The following SHOC2 variants were observed in gnomAD, a reference collection of about 807,000 sequenced individuals.
SHOC2 encodes SHOC2 leucine rich repeat scaffold protein.
A neutral mutation model predicts 50.2 loss-of-function variants in SHOC2; 4 were observed. The ratio of observed to expected loss-of-function variants is 0.08; its 90% CI spans 0.04 to 0.18. SHOC2 has a LOEUF of 0.18. Among genes scored for constraint, SHOC2 ranks in the 10% least tolerant of loss-of-function variants. The pLI is 1.00. For synonymous variants in SHOC2, 218 were observed against 244.5 expected (o/e 0.89, Z 1.01); for missense variants, 388 against 669.6 (o/e 0.58, Z 4.64).
intron 4 of SHOC2, among the ~76,000 whole-genome samples, chr10:111,001,566 T>G (rs889736727): frequency 1.3e-5 from 2 of 152,256 alleles, no homozygotes; most frequent in Admixed American, 1.3e-4. Flanking sequence ...TGCTTATAGT[T>G]GTTCAAGCAT....
chr10:110,992,606 A>G (rs1286080931), intron 3 of SHOC2, among the ~76,000 whole-genome samples: 5 of 152,200 alleles, frequency 3.3e-5, no homozygotes, highest in Non-Finnish European at 5.9e-5. Context: ...TGGAGTGCAG[A>G]ACAATTCACA....
At chr10:110,919,583 G>T (rs1410319561), upstream of SHOC2, 4 of 394,572 alleles carry the variant, frequency 1.0e-5, no homozygotes, top group East Asian at 7.2e-5. Context: ...GTTGGGCAGC[G>T]TCGCTTCTTA....
At chr10:110,941,131 C>G (rs967697246) in intron 1 of SHOC2, among the ~76,000 whole-genome samples, 7 of 151,690 alleles carry the variant, frequency 4.6e-5, no homozygotes, top group African/African-American at 1.5e-4. Flanking sequence ...CATTATTTCT[C>G]TCTCCCCATC....
intron 1 of SHOC2, among the ~76,000 whole-genome samples, chr10:110,947,505 G>C (rs1236402577): frequency 2.0e-5 from 3 of 152,284 alleles, no homozygotes; most frequent in Admixed American, 6.5e-5. Flanking sequence ...TCAGGGAAAC[G>C]TGACACCATC....
At chr10:111,011,077 A>G (rs76604170) in intron 8 of SHOC2, among the ~76,000 whole-genome samples, 4,578 of 152,318 alleles carry the variant, frequency 0.03, 110 homozygotes, top group Middle Eastern at 0.044. Flanking sequence ...AAAGGTCTAC[A>G]TAAGTCAGTT....
intron 2 of SHOC2, among the ~76,000 whole-genome samples, chr10:110,965,438 C>G (rs1847654219): frequency 6.6e-6 from 1 of 152,142 alleles, no homozygotes; most frequent in African/African-American, 2.4e-5. Flanking sequence ...TTTTCTCATT[C>G]TCTGACTTTT....
At chr10:110,938,823 C>T (rs1164808101) in intron 1 of SHOC2, among the ~76,000 whole-genome samples, 2 of 152,114 alleles carry the variant, frequency 1.3e-5, no homozygotes, top group African/African-American at 2.4e-5. Flanking sequence ...AACGGTATTC[C>T]AGTACATGTA....
In SHOC2 at chr10:111,000,403, G is replaced by T. The variant is rs1212822989; in HGVS notation, c.842-12G>T. 1 of 1,613,342 alleles carries T rather than the reference G, an allele frequency of 6.2e-7. No homozygotes were observed. On this transcript the variant is annotated splice_polypyrimidine_tract_variant and intron_variant, in intron 3 of 8. Coordinates refer to ENST00000369452, the MANE Select transcript of SHOC2 (RefSeq NM_007373.4). The stretch of plus-strand genomic sequence containing the variant: ...GTAAAAAATAAATTTCTTTTTTTGT[G>T]TGTGTTTACAGGAAACCTGTCCAGT...
At chr10:110,976,617 C>T (rs979840881) in intron 2 of SHOC2, among the ~76,000 whole-genome samples, 4 of 152,084 alleles carry the variant, frequency 2.6e-5, no homozygotes, top group African/African-American at 4.8e-5. Context: ...TTGCTGCCTT[C>T]GTTTTTGAAA....
At chr10:111,001,863 C>T (rs1292874862) in intron 4 of SHOC2, among the ~76,000 whole-genome samples, 1 of 152,074 alleles carries the variant, frequency 6.6e-6, no homozygotes, top group Non-Finnish European at 1.5e-5. Context: ...CATGGCAAAA[C>T]CCTGTCTCCA....
chr10:110,989,004 C>G (rs1394001944), intron 3 of SHOC2: 1 of 508,746 alleles, frequency 2.0e-6, no homozygotes, highest in Non-Finnish European at 3.9e-6. Flanking sequence ...TTTGCACCAA[C>G]CTGATAGAAG....
intron 4 of SHOC2, among the ~76,000 whole-genome samples, chr10:111,001,509 A>G (rs1366964623): frequency 3.3e-5 from 5 of 152,104 alleles, no homozygotes; most frequent in African/African-American, 1.2e-4. Flanking sequence ...GTCTTTTACT[A>G]TTGACTTTCT....
Position 110,969,549 on chromosome 10 carries a change from T to C in SHOC2, c.703+4488T>C, listed in dbSNP as rs150095973. On this transcript the variant is annotated intron_variant, in intron 2 of 8. Coordinates refer to ENST00000369452, the MANE Select transcript of SHOC2 (RefSeq NM_007373.4). ...TTTCTGGGAAGGAAATCGTTGCTCA[T>C]TGAAACCAGGTATAAACTTCATTTT... 1.4e-4 allele frequency among the ~76,000 whole-genome samples: 22 copies of C among 152,326 alleles called. 1 individual carries two copies. In the East Asian group the frequency reaches 4.1e-3, roughly 28 times the overall value.
intron 2 of SHOC2, among the ~76,000 whole-genome samples, chr10:110,981,117 C>T (rs1847968262): frequency 1.3e-5 from 2 of 152,106 alleles, no homozygotes; most frequent in African/African-American, 4.8e-5. Context: ...TTGTGAATGG[C>T]CATGAAGATC....
intron 3 of SHOC2, among the ~76,000 whole-genome samples, chr10:111,000,069 G>C (rs1848341666): frequency 1.3e-5 from 2 of 152,072 alleles, no homozygotes; most frequent in African/African-American, 4.8e-5. Context: ...AGAACAAATG[G>C]AATAAGTATT....
chr10:110,994,657 A>G (rs1848239785), intron 3 of SHOC2, among the ~76,000 whole-genome samples: 1 of 152,210 alleles, frequency 6.6e-6, no homozygotes, highest in South Asian at 2.1e-4. Flanking sequence ...GAATGATCTC[A>G]TTTATATGAA....
chr10:110,958,458 T>G (rs7072816), intron 1 of SHOC2, among the ~76,000 whole-genome samples: 1 of 151,966 alleles, frequency 6.6e-6, no homozygotes, highest in South Asian at 2.1e-4. Flanking sequence ...CTGATCCGTC[T>G]GCCTCAGCCT....
Position 111,012,542 on chromosome 10 carries a change from AG to A in SHOC2, c.*728del, listed in dbSNP as rs1036496682. 12 of 152,266 alleles carry A rather than the reference AG, an allele frequency of 7.9e-5. No individual in the cohort carries two copies. Among genetic ancestry groups the A allele is most frequent in the African/African-American group, 2.9e-4 (12 of 41,568 alleles). The allele number at this position is 152,266 out of a possible 1,614,324, so 9.4% of individuals were successfully genotyped here. A position where few individuals can be genotyped will look rare whatever the true frequency, so the allele number is the denominator to read the frequency against. On this transcript the variant is annotated 3_prime_UTR_variant, in exon 9 of 9. Transcript: ENST00000369452. The stretch of plus-strand genomic sequence containing the variant: ...AAATACCTGAAGTGAGTCTTTGGGT[AG>A]GGGAAGGGTATTGAGACCTTTTCTA...
intron 1 of SHOC2, among the ~76,000 whole-genome samples, chr10:110,955,486 G>C (rs1362638807): frequency 3.9e-5 from 6 of 152,048 alleles, no homozygotes; most frequent in Admixed American, 1.3e-4. Context: ...TAGTGAGATT[G>C]GGGGGGAAAT....
Sources: gnomAD v4.1 joint callset for allele counts (sites outside exome capture counted in the v4.1 genomes callset) on GRCh38, gnomAD v4.1.1 for gene constraint, MANE v1.5 for transcripts, NCBI Gene and HGNC (gene_info 2026-07-23, HGNC 2026-07-21) for gene names.